The following ST8SIA6 variants were observed in gnomAD, a reference collection of about 807,000 sequenced individuals.
ST8SIA6 encodes the protein ST8 alpha-N-acetyl-neuraminide alpha-2,8-sialyltransferase 6, also known as alpha-2,8-sialyltransferase 8F.
In ST8SIA6, 39 loss-of-function variants were observed where a neutral mutation model predicts 33.6. That is an observed-to-expected ratio of 1.16 (90% CI 0.90 to 1.52). The LOEUF (loss-of-function observed/expected upper bound fraction) is 1.52, where lower values mean the gene tolerates loss of function less well. ST8SIA6 is among the 40% of genes most tolerant of loss of function. The pLI is 0.00. For synonymous variants in ST8SIA6, 172 were observed against 167.2 expected, an observed-to-expected ratio of 1.03 and a Z score of -0.22; for missense variants, 441 against 443.8, an observed-to-expected ratio of 0.99 and a Z score of 0.06.
chr10:17,390,799 G>GAAAAAAAAAAC (rs1850568616), intron 2 of ST8SIA6, among the ~76,000 whole-genome samples, 179 bp from the exon 3 acceptor site: 2 of 139,454 alleles, frequency 1.4e-5, no homozygotes, highest in Non-Finnish European at 3.1e-5. Flanking sequence ...GGGTCTAAAT[G>GAAAAAAAAAAC]AAAAAAAAAA....
rs1214579901 is a variant in ST8SIA6, at chr10:17,411,890, T to C, written c.201-21270A>G. 3.3e-5 allele frequency among the ~76,000 whole-genome samples: 5 copies of C among 151,892 alleles called. No individual in the cohort carries two copies. In the East Asian group the frequency reaches 5.9e-4, roughly 18 times the overall value. On this transcript the variant is annotated intron_variant, in intron 2 of 7. Transcript: ENST00000377602. ...TGTTTCACACTTCATGATGAACATATATTTGCATTTCAGAAAATGCTTTTA... is the reference window on the plus strand; with the variant it reads ...TGTTTCACACTTCATGATGAACATACATTTGCATTTCAGAAAATGCTTTTA...
At chr10:17,447,366 A>G (rs2131745979) in intron 2 of ST8SIA6, among the ~76,000 whole-genome samples, 1 of 152,276 alleles carries the variant, frequency 6.6e-6, no homozygotes, top group East Asian at 1.9e-4. Flanking sequence ...AGATTGCGCC[A>G]CTGCTCTCCA....
chr10:17,397,574 A>G (rs1850858860), intron 2 of ST8SIA6, among the ~76,000 whole-genome samples: 1 of 152,024 alleles, frequency 6.6e-6, no homozygotes, highest in South Asian at 2.1e-4. Context: ...CTGCTCAAAG[A>G]CCTTCCATCC....
intron 7 of ST8SIA6, 64 bp from the exon 8 acceptor site, chr10:17,321,410 A>C: frequency 7.5e-7 from 1 of 1,338,600 alleles, no homozygotes; most frequent in East Asian, 2.5e-5. Context: ...AGTTTTGATA[A>C]CATAAAGCTG....
chr10:17,365,067 AAATT>A (rs754702875), intron 3 of ST8SIA6, among the ~76,000 whole-genome samples: 15 of 152,238 alleles, frequency 9.9e-5, no homozygotes, highest in Non-Finnish European at 1.6e-4. Context: ...ATGAAATTGA[AAATT>A]AATCCCATCA....
intron 3 of ST8SIA6, among the ~76,000 whole-genome samples, chr10:17,368,803 T>G (rs1297977799): frequency 6.6e-6 from 1 of 152,144 alleles, no homozygotes; most frequent in Non-Finnish European, 1.5e-5. Flanking sequence ...CATGGTGTGT[T>G]TGAGGGACAC....
chr10:17,448,788 T>TA (rs1295531282), intron 2 of ST8SIA6, among the ~76,000 whole-genome samples: 4 of 141,934 alleles, frequency 2.8e-5, no homozygotes, highest in African/African-American at 5.7e-5. Flanking sequence ...GCTAATTTTT[T>TA]TTTTTTTTTT....
intron 3 of ST8SIA6, among the ~76,000 whole-genome samples, chr10:17,374,272 G>A (rs75522342): frequency 0.023 from 3,552 of 151,752 alleles, 69 homozygotes; most frequent in South Asian, 0.1. Flanking sequence ...AATAATTTAA[G>A]AGAGACTATG....
chr10:17,394,936 G>T (rs547902228), intron 2 of ST8SIA6, among the ~76,000 whole-genome samples: 2 of 152,170 alleles, frequency 1.3e-5, no homozygotes, highest in East Asian at 1.9e-4. Context: ...CAAGACAAGC[G>T]TGGGCTGATT....
chr10:17,363,200 A>G (rs1849450846), intron 3 of ST8SIA6, among the ~76,000 whole-genome samples: 1 of 152,146 alleles, frequency 6.6e-6, no homozygotes, highest in South Asian at 2.1e-4. Context: ...TCGCTTGAGA[A>G]TTCTCACGTT....
intron 3 of ST8SIA6, among the ~76,000 whole-genome samples, chr10:17,380,475 T>C (rs1252715054): frequency 5.9e-5 from 9 of 152,134 alleles, no homozygotes; most frequent in East Asian, 1.9e-4. Context: ...CCCTAAATTA[T>C]GGGGAACAGG....
chr10:17,454,435 G>C lies in ST8SIA6; in HGVS notation c.-180C>G. The C allele has an allele frequency of 6.4e-6, 1 of 156,962 alleles. No homozygotes were observed. Among genetic ancestry groups the C allele is most frequent in the Non-Finnish European group, 1.4e-5 (1 of 71,212 alleles). The allele number at this position is 156,962 out of a possible 1,614,324, so 9.7% of individuals were successfully genotyped here. A position where few individuals can be genotyped will look rare whatever the true frequency, so the allele number is the denominator to read the frequency against. ...GCCCACCCGGCAGAGTCTCCGCGGC[G>C]GGCGGAGAAGAAGCCGCGTTCGGGC... On this transcript the variant is annotated 5_prime_UTR_variant, in exon 1 of 8. Coordinates refer to ENST00000377602, the MANE Select transcript of ST8SIA6 (RefSeq NM_001004470.3). This position sits in a 1 kb window ranked among gnomAD's most constrained non-coding sequence, Gnocchi z 4.1.
At chr10:17,452,168 A>G (rs1404123584) in intron 2 of ST8SIA6, among the ~76,000 whole-genome samples, 1 of 152,004 alleles carries the variant, frequency 6.6e-6, no homozygotes, top group African/African-American at 2.4e-5. Context: ...AAACTATAGG[A>G]CACTATTTTT....
In ST8SIA6 at chr10:17,318,818, T is replaced by C. The variant is rs1392076708; in HGVS notation, c.*2060A>G. 1 of 441,562 alleles carries C rather than the reference T, an allele frequency of 2.3e-6. No individual in the cohort carries two copies. Among genetic ancestry groups the C allele is most frequent in the African/African-American group, 2.1e-5 (1 of 48,456 alleles). The allele number at this position is 441,562 out of a possible 1,614,324, so 27.4% of individuals were successfully genotyped here. On this transcript the variant is annotated 3_prime_UTR_variant, in exon 8 of 8. Transcript: ENST00000377602. ...TTTACAGTTTACATAGCTGACATGCTGTATTGTAAACATTCATGTTCTATC... is the reference window on the plus strand; with the variant it reads ...TTTACAGTTTACATAGCTGACATGCCGTATTGTAAACATTCATGTTCTATC...
At chr10:17,367,656 C>A (rs929515255) in intron 3 of ST8SIA6, among the ~76,000 whole-genome samples, 5 of 151,998 alleles carry the variant, frequency 3.3e-5, no homozygotes, top group African/African-American at 9.7e-5. Flanking sequence ...AAAATGATGA[C>A]CCATTTTTCA....
At chr10:17,385,659 G>A (rs1240285523) in intron 3 of ST8SIA6, among the ~76,000 whole-genome samples, 1 of 152,092 alleles carries the variant, frequency 6.6e-6, no homozygotes, top group Non-Finnish European at 1.5e-5. Flanking sequence ...CATCAGTAAA[G>A]GTAGGAACTG....
intron 3 of ST8SIA6, among the ~76,000 whole-genome samples, chr10:17,384,719 G>C (rs1202079502): frequency 1.3e-5 from 2 of 152,104 alleles, no homozygotes; most frequent in Non-Finnish European, 2.9e-5. Context: ...ACTGAAGCCA[G>C]ACAATTTAAA....
rs975202371 is a variant in ST8SIA6 at position 17,317,516 on chromosome 10, C to A, written c.*3362G>T. On this transcript the variant is annotated 3_prime_UTR_variant, in exon 8 of 8. Coordinates refer to ENST00000377602, the MANE Select transcript of ST8SIA6 (RefSeq NM_001004470.3). ...TTTTTAATGGCATAATAATGTGTTT[C>A]CATGTCATGTTAGATAAATAAAATG... 1.3e-5 allele frequency among the ~76,000 whole-genome samples: 2 copies of A among 152,124 alleles called. No individual in the cohort carries two copies. Among genetic ancestry groups the A allele is most frequent in the African/African-American group, 4.8e-5 (2 of 41,430 alleles).
At chr10:17,451,624 A>G (rs560989026) in intron 2 of ST8SIA6, among the ~76,000 whole-genome samples, 1 of 152,340 alleles carries the variant, frequency 6.6e-6, no homozygotes, top group Non-Finnish European at 1.5e-5. Context: ...CTGGCCCATA[A>G]GAAGAGTTCA....
Sources: gnomAD v4.1 joint callset for allele counts (sites outside exome capture counted in the v4.1 genomes callset) on GRCh38, gnomAD v4.1.1 for gene constraint, Gnocchi (gnomAD v3.1) non-coding constraint, MANE v1.5 for transcripts, NCBI Gene and HGNC (gene_info 2026-07-23, HGNC 2026-07-21) for gene names.